The following SHISA6 variants were observed in gnomAD, a reference collection of about 807,000 sequenced individuals.
SHISA6 encodes protein shisa-6.
Under a neutral mutation model 47.9 loss-of-function variants are expected in SHISA6, and 22 were observed. The ratio of observed to expected loss-of-function variants is 0.46; its 90% CI spans 0.33 to 0.66. The LOEUF is 0.66. SHISA6 is among the 30% of genes least tolerant of loss of function. The pLI, the probability that SHISA6 is intolerant of heterozygous loss-of-function variation, is 0.02. For synonymous variants in SHISA6, 388 were observed against 337.8 expected (o/e 1.15, Z -1.63); for missense variants, 680 against 764.6 (o/e 0.89, Z 1.30).
At chr17:11,412,709 T>C (rs888963145) in intron 3 of SHISA6, among the ~76,000 whole-genome samples, 1 of 148,628 alleles carries the variant, frequency 6.7e-6, no homozygotes, top group Non-Finnish European at 1.5e-5. Flanking sequence ...GCCGGGCTAA[T>C]TTTTTGTATT....
chr17:11,402,495 G>T (rs1048529376), intron 3 of SHISA6, among the ~76,000 whole-genome samples: 30 of 152,268 alleles, frequency 2.0e-4, no homozygotes, highest in African/African-American at 7.2e-4. Flanking sequence ...GGCATTCTCA[G>T]CCTATCAGCC....
intron 3 of SHISA6, among the ~76,000 whole-genome samples, chr17:11,547,127 C>G (rs2071889985): frequency 6.6e-6 from 1 of 152,096 alleles, no homozygotes; most frequent in African/African-American, 2.4e-5. Flanking sequence ...TAACACATCA[C>G]CCTCAGTCTT....
At chr17:11,429,879 A>G (rs947722617) in intron 3 of SHISA6, among the ~76,000 whole-genome samples, 4 of 152,106 alleles carry the variant, frequency 2.6e-5, no homozygotes, top group Non-Finnish European at 5.9e-5. Flanking sequence ...AAAAACAATA[A>G]ACTTTAAACT....
At chr17:11,363,302 C>A (rs980044614) in intron 2 of SHISA6, among the ~76,000 whole-genome samples, 3 of 151,556 alleles carry the variant, frequency 2.0e-5, no homozygotes, top group Admixed American at 6.6e-5. Flanking sequence ...GTCTTGCTTG[C>A]AGAAGAGTGA....
At chr17:11,539,055 C>A (rs896266478) in intron 3 of SHISA6, among the ~76,000 whole-genome samples, 1 of 152,218 alleles carries the variant, frequency 6.6e-6, no homozygotes, top group Non-Finnish European at 1.5e-5. Flanking sequence ...ATTCTCCTGT[C>A]TCAGCCTCAC....
chr17:11,551,565 A>T (rs2071931867), intron 3 of SHISA6, among the ~76,000 whole-genome samples: 1 of 152,034 alleles, frequency 6.6e-6, no homozygotes, highest in Non-Finnish European at 1.5e-5. Context: ...CACCCTGTCC[A>T]TGCACGCATG....
At chr17:11,328,292 G>A (rs1340781083) in intron 2 of SHISA6, among the ~76,000 whole-genome samples, 1 of 152,172 alleles carries the variant, frequency 6.6e-6, no homozygotes, top group Non-Finnish European at 1.5e-5. Context: ...CCCACCACCA[G>A]TAAACAGGGG....
chr17:11,374,324 A>G (rs1338147550), intron 2 of SHISA6, among the ~76,000 whole-genome samples: 1 of 152,062 alleles, frequency 6.6e-6, no homozygotes, highest in Non-Finnish European at 1.5e-5. Context: ...TTGTAGTTTC[A>G]TGACTGCTTT....
chr17:11,519,329 C>CCAT (rs1269229941), intron 3 of SHISA6, among the ~76,000 whole-genome samples: 1 of 152,176 alleles, frequency 6.6e-6, no homozygotes, highest in African/African-American at 2.4e-5. Flanking sequence ...GGACACTGAC[C>CCAT]CATGATCCAA....
intron 3 of SHISA6, among the ~76,000 whole-genome samples, chr17:11,386,736 C>T (rs1001427349): frequency 6.6e-6 from 1 of 152,198 alleles, no homozygotes; most frequent in African/African-American, 2.4e-5. Context: ...GAGCAAACCC[C>T]ACCAGGCCAC....
chr17:11,368,271 T>C (rs1032916956), intron 2 of SHISA6, among the ~76,000 whole-genome samples: 2 of 148,292 alleles, frequency 1.3e-5, no homozygotes, highest in African/African-American at 5.1e-5. Flanking sequence ...AGGTGTGAGA[T>C]GGAGCGCTTC....
At chr17:11,307,858 AC>A (rs146594615) in intron 2 of SHISA6, among the ~76,000 whole-genome samples, 4,938 of 152,276 alleles carry the variant, frequency 0.032, 277 homozygotes, top group African/African-American at 0.11. Context: ...GGATTGGAGG[AC>A]CCTTAGAAAT....
chr17:11,262,316 C>T (rs1381004420), intron 1 of SHISA6, among the ~76,000 whole-genome samples: 2 of 152,182 alleles, frequency 1.3e-5, no homozygotes, highest in Non-Finnish European at 2.9e-5. Flanking sequence ...CCATCAGAGA[C>T]ACCCCTCGAG....
At chr17:11,306,262 C>T (rs1910105143) in intron 2 of SHISA6, among the ~76,000 whole-genome samples, 1 of 152,160 alleles carries the variant, frequency 6.6e-6, no homozygotes, top group African/African-American at 2.4e-5. Flanking sequence ...AGTAAGTGAT[C>T]TCAGCCTTCC....
At chr17:11,452,740 CTCT>C (rs1226343396) in intron 3 of SHISA6, among the ~76,000 whole-genome samples, 2 of 148,778 alleles carry the variant, frequency 1.3e-5, no homozygotes, top group Non-Finnish European at 1.5e-5. Context: ...CCTCCTCCTC[CTCT>C]ACTCTACCTC....
chr17:11,309,785 G>A (rs571116578), intron 2 of SHISA6, among the ~76,000 whole-genome samples: 72 of 152,272 alleles, frequency 4.7e-4, no homozygotes, highest in Non-Finnish European at 6.2e-4. Context: ...TCTCTTTTAA[G>A]GTTCTTCCTG....
At chr17:11,271,091 A>G (rs2142152654) in intron 2 of SHISA6, among the ~76,000 whole-genome samples, 1 of 152,042 alleles carries the variant, frequency 6.6e-6, no homozygotes, top group South Asian at 2.1e-4. Flanking sequence ...GCTGTCAGGG[A>G]GAGAAGAGGC....
chr17:11,266,767 C>T (rs1908439923), intron 2 of SHISA6, among the ~76,000 whole-genome samples: 2 of 152,174 alleles, frequency 1.3e-5, no homozygotes. Flanking sequence ...TGTCCTTAGA[C>T]CAGGCAGGGC....
At chr17:11,381,349 T>C (rs1913001209) in intron 3 of SHISA6, among the ~76,000 whole-genome samples, 1 of 152,260 alleles carries the variant, frequency 6.6e-6, no homozygotes, top group Non-Finnish European at 1.5e-5. Context: ...AGGCCTGCTA[T>C]GTGCTAAGCA....
Sources: gnomAD v4.1 joint callset for allele counts (sites outside exome capture counted in the v4.1 genomes callset) on GRCh38, gnomAD v4.1.1 for gene constraint, MANE v1.5 for transcripts, NCBI Gene and HGNC (gene_info 2026-07-23, HGNC 2026-07-21) for gene names.